The following PRRC1 variants were observed in gnomAD, a reference collection of about 807,000 sequenced individuals.
The protein encoded by PRRC1 is protein PRRC1.
In PRRC1, 39 loss-of-function variants were observed where a neutral mutation model predicts 40.7. The ratio of observed to expected loss-of-function variants is 0.96; its 90% confidence interval spans 0.74 to 1.25. PRRC1 has a LOEUF of 1.25. Among genes scored for constraint, PRRC1 ranks in the 50% most tolerant of loss-of-function variants. The pLI is 0.00. For synonymous variants in PRRC1, 175 were observed against 193.3 expected (o/e 0.91, Z 0.79); for missense variants, 573 against 548.3 (o/e 1.05, Z -0.45).
chr5:127,527,757 C>CAAAAAAA (rs11395244), intron 4 of PRRC1, among the ~76,000 whole-genome samples: 1 of 80,256 alleles, frequency 1.2e-5, no homozygotes, highest in African/African-American at 4.3e-5. Context: ...GACACTGTCT[C>CAAAAAAA]AAAAAAAAAA....
chr5:127,550,077 A>T (rs1276909173), intron 8 of PRRC1: 1 of 151,868 alleles, frequency 6.6e-6, no homozygotes, highest in East Asian at 1.9e-4. Flanking sequence ...AGGCGTGTGT[A>T]TGTGTGTGCT....
intron 1 of PRRC1, among the ~76,000 whole-genome samples, chr5:127,521,231 CTA>C (rs1767450033): frequency 6.6e-6 from 1 of 152,206 alleles, no homozygotes; most frequent in Non-Finnish European, 1.5e-5. Flanking sequence ...CTTCTAGCCT[CTA>C]TCAACTGCTC....
At position 127,552,999 on chromosome 5, in the gene PRRC1, T is replaced by G; in HGVS notation, c.*1083T>G. On this transcript the variant is annotated 3_prime_UTR_variant, in exon 9 of 9. Coordinates refer to ENST00000296666, the MANE Select transcript of PRRC1 (RefSeq NM_130809.5). ...AAGCCTTTTCCCCTCAAATAATATA[T>G]TATATCATTTTTGGACTTATATAAA... 1.3e-6 allele frequency: 1 copy of G among 767,402 alleles called. No homozygotes were observed. The highest frequency in any genetic ancestry group is 1.6e-6 in the Non-Finnish European group (1 of 635,562). 47.5% of individuals were successfully genotyped at this position (767,402 alleles called of 1,614,324 possible). A position where few individuals can be genotyped will look rare whatever the true frequency, so the allele number is the denominator to read the frequency against.
chr5:127,539,822 A>G (rs2127107104), intron 7 of PRRC1, among the ~76,000 whole-genome samples: 1 of 152,236 alleles, frequency 6.6e-6, no homozygotes, highest in East Asian at 1.9e-4. Flanking sequence ...ATTATAGGCC[A>G]GTGGGAAAGA....
At chr5:127,526,475 TA>T (rs1767616443) in intron 3 of PRRC1, 142 bp from the exon 4 acceptor site, 2 of 566,254 alleles carry the variant, frequency 3.5e-6, no homozygotes, top group Non-Finnish European at 2.9e-6. Context: ...TTGCGTTTTA[TA>T]AAGGTTTGTG....
chr5:127,523,331 T>C, intron 1 of PRRC1, 129 bp from the exon 2 acceptor site: 1 of 477,086 alleles, frequency 2.1e-6, no homozygotes, highest in Non-Finnish European at 3.7e-6. Flanking sequence ...TGGAAATAAG[T>C]TGCATTATAA....
intron 5 of PRRC1, among the ~76,000 whole-genome samples, chr5:127,531,418 A>C (rs1482349058): frequency 6.6e-6 from 1 of 151,880 alleles, no homozygotes; most frequent in Non-Finnish European, 1.5e-5. Flanking sequence ...TAACTGTCCA[A>C]AGAATTCAAA....
chr5:127,546,298 G>A (rs963050524), intron 7 of PRRC1, among the ~76,000 whole-genome samples: 1 of 152,148 alleles, frequency 6.6e-6, no homozygotes, highest in Admixed American at 6.5e-5. Context: ...TTTAAATGTA[G>A]TTGAACTGTC....
chr5:127,533,278 C>G (rs1767820436), intron 5 of PRRC1, among the ~76,000 whole-genome samples: 1 of 152,162 alleles, frequency 6.6e-6, no homozygotes, highest in African/African-American at 2.4e-5. Flanking sequence ...CTCTGCAACT[C>G]ATTGACAAAT....
chr5:127,528,041 A>C (rs1432863382), intron 4 of PRRC1, among the ~76,000 whole-genome samples: 1 of 152,186 alleles, frequency 6.6e-6, no homozygotes, highest in Non-Finnish European at 1.5e-5. Context: ...ACTGAATTTG[A>C]ACATTTTCTC....
At chr5:127,540,113 G>C (rs1448110052) in intron 7 of PRRC1, among the ~76,000 whole-genome samples, 1 of 152,124 alleles carries the variant, frequency 6.6e-6, no homozygotes. Context: ...CTGAAGGTTT[G>C]TTGGATGGGA....
At position 127,552,807 on chromosome 5, in the gene PRRC1, G is replaced by T; in HGVS notation, c.*891G>T. 1.0e-6 allele frequency: 1 copy of T among 985,524 alleles called. No homozygotes were observed. The highest frequency in any genetic ancestry group is 1.7e-5 in the African/African-American group (1 of 57,326). 61.0% of individuals were successfully genotyped at this position (985,524 alleles called of 1,614,324 possible). On this transcript the variant is annotated 3_prime_UTR_variant, in exon 9 of 9. Transcript: ENST00000296666. ...TTGAGAGGGGGTTACTTTATTGCTT[G>T]TGGGTTAGTATGTCTCTTACTTCAA... is the stretch of plus-strand genomic sequence containing the variant.
intron 5 of PRRC1, among the ~76,000 whole-genome samples, chr5:127,533,328 A>C (rs751186999): frequency 4.6e-5 from 7 of 152,120 alleles, no homozygotes; most frequent in Non-Finnish European, 2.9e-5. Flanking sequence ...TTTTCCGTGG[A>C]GTATACTAAA....
intron 4 of PRRC1, among the ~76,000 whole-genome samples, chr5:127,527,830 T>C (rs143661133): frequency 1.1e-3 from 160 of 152,186 alleles, no homozygotes; most frequent in African/African-American, 3.4e-3. Context: ...GGACATCTTT[T>C]TTTCCTCCGA....
rs147829462 is a variant in PRRC1, at chr5:127,535,446, C to G, written c.921+1660C>G. Among the ~76,000 whole-genome samples, 468 of 152,266 alleles carry G rather than the reference C, an allele frequency of 3.1e-3. 1 individual carries two copies. The highest frequency in any genetic ancestry group is 3.9e-3 in the Non-Finnish European group (264 of 68,008). Reference sequence around the variant, plus strand: ...AAAAGGATACCTGTTTACATTGTGTCAGCTGAAAGAAGAAGTCAGGGCACT... The same window carrying G: ...AAAAGGATACCTGTTTACATTGTGTGAGCTGAAAGAAGAAGTCAGGGCACT... On this transcript the variant is annotated intron_variant, in intron 6 of 8. Transcript: ENST00000296666.
chr5:127,527,492 C>A (rs1449432683), intron 4 of PRRC1, among the ~76,000 whole-genome samples: 1 of 151,988 alleles, frequency 6.6e-6, no homozygotes, highest in African/African-American at 2.4e-5. Context: ...GTGCCTCATG[C>A]CTGTAATCTT....
At position 127,554,215 on chromosome 5, in the gene PRRC1, C is replaced by T. The variant is rs1331523701; in HGVS notation, c.*2299C>T. 5 of 197,710 alleles carry T rather than the reference C, an allele frequency of 2.5e-5. No individual in the cohort carries two copies. The highest frequency in any genetic ancestry group is 1.8e-4 in the Admixed American group (3 of 17,132). 12.2% of individuals were successfully genotyped at this position (197,710 alleles called of 1,614,324 possible). ...TCAGGCCACAGTTTCCTTCACTAAT[C>T]GTCCAGCTTGAGTGTTCTGTTCTCT... On this transcript the variant is annotated 3_prime_UTR_variant, in exon 9 of 9. Transcript: ENST00000296666.
intron 4 of PRRC1, among the ~76,000 whole-genome samples, chr5:127,527,478 C>G (rs1580932441): frequency 6.6e-6 from 1 of 152,162 alleles, no homozygotes; most frequent in South Asian, 2.1e-4. Flanking sequence ...TTAGGTCTGG[C>G]ATGGTGCCTC....
chr5:127,528,833 C>T (rs12659514), intron 4 of PRRC1, among the ~76,000 whole-genome samples: 1 of 152,000 alleles, frequency 6.6e-6, no homozygotes, highest in African/African-American at 2.4e-5. Context: ...TATCATATCC[C>T]CATTGATTTG....
Sources: allele counts gnomAD v4.1 joint callset (sites outside exome capture counted in the v4.1 genomes callset), GRCh38; gene constraint gnomAD v4.1.1; transcripts MANE v1.5; gene names NCBI Gene and HGNC (gene_info 2026-07-23, HGNC 2026-07-21).